The following MYLK variants were observed in gnomAD, a reference collection of about 807,000 sequenced individuals.
MYLK encodes the protein myosin light chain kinase, also known as myosin light chain kinase, smooth muscle.
In MYLK, 106 loss-of-function variants were observed where a neutral mutation model predicts 203.4. That is an observed-to-expected ratio of 0.52 (90% CI 0.45 to 0.61). MYLK has a LOEUF of 0.61. Among genes scored for constraint, MYLK ranks in the 20% least tolerant of loss-of-function variants. The probability of loss-of-function intolerance (pLI) is 0.00; values close to 1 mark genes in which losing one functional copy is unlikely to be tolerated. For missense variants in MYLK, 2,072 were observed against 2,442.3 expected, an observed-to-expected ratio of 0.85 and a Z score of 3.20; for synonymous variants, 867 against 959.5, an observed-to-expected ratio of 0.90 and a Z score of 1.78.
intron 4 of MYLK, among the ~76,000 whole-genome samples, chr3:123,755,272 T>C (rs1471174224): frequency 2.0e-5 from 3 of 152,200 alleles, no homozygotes; most frequent in Non-Finnish European, 4.4e-5. Context: ...CAGGGCCAGC[T>C]CTGGTGGCTC....
chr3:123,844,597 T>C (rs763223813), intron 2 of MYLK, among the ~76,000 whole-genome samples: 13 of 151,986 alleles, frequency 8.6e-5, no homozygotes, highest in Non-Finnish European at 1.3e-4. Context: ...ACAGGAGCAA[T>C]TGACCACTCC....
chr3:123,732,592 G>A (rs1402498720), intron 11 of MYLK, among the ~76,000 whole-genome samples: 1 of 152,136 alleles, frequency 6.6e-6, no homozygotes, highest in African/African-American at 2.4e-5. Context: ...AGTTCTCTGT[G>A]GTTACAAACG....
At chr3:123,683,873 C>A (rs2060356468) in intron 19 of MYLK, among the ~76,000 whole-genome samples, 1 of 152,150 alleles carries the variant, frequency 6.6e-6, no homozygotes, top group Admixed American at 6.5e-5. Context: ...AAAACGCTCC[C>A]TTGCCTCCAC....
At chr3:123,697,520 T>C (rs776367918) in intron 18 of MYLK, among the ~76,000 whole-genome samples, 4 of 152,182 alleles carry the variant, frequency 2.6e-5, no homozygotes, top group Admixed American at 6.5e-5. Context: ...AGGAATTAAC[T>C]AAGAGGTCAT....
chr3:123,738,785 G>A (rs768194859), intron 7 of MYLK, 112 bp downstream of exon 7: 3 of 1,396,908 alleles, frequency 2.1e-6, no homozygotes, highest in Non-Finnish European at 3.0e-6. Flanking sequence ...GGAACGGTGA[G>A]TCCATTAAAC....
At chr3:123,852,337 C>A (rs7639429) in intron 2 of MYLK, among the ~76,000 whole-genome samples, 127,045 of 152,084 alleles carry the variant, frequency 0.84, 53,234 homozygotes, top group East Asian at 0.95. Context: ...TGGTAGAATT[C>A]GGCTGTGAAT....
At position 123,640,654 on chromosome 3, in the gene MYLK, C is replaced by T. The variant is rs2058801143; in HGVS notation, c.4620-150G>A. On this transcript the variant is annotated intron_variant, in intron 27 of 33. Coordinates refer to ENST00000360304, the MANE Select transcript of MYLK (RefSeq NM_053025.4). This position sits in a 1 kb window ranked among gnomAD's most constrained non-coding sequence, Gnocchi z 4.3. Reference sequence around the variant, plus strand: ...TGGGCAATTCCTGAATCCCCACCCTCCGACATGGGAGAAGGGTCAGGGCCT... The same window carrying T: ...TGGGCAATTCCTGAATCCCCACCCTTCGACATGGGAGAAGGGTCAGGGCCT... 2.4e-6 allele frequency: 2 copies of T among 816,488 alleles called. No individual in the cohort carries two copies. The highest frequency in any genetic ancestry group is 4.1e-6 in the Non-Finnish European group (2 of 489,168). 50.6% of individuals were successfully genotyped at this position (816,488 alleles called of 1,614,324 possible).
chr3:123,638,822 C>G (rs1385154868), intron 28 of MYLK: 5 of 985,322 alleles, frequency 5.1e-6, no homozygotes, highest in Non-Finnish European at 6.0e-6. Flanking sequence ...AGGCTTCAAC[C>G]CCAGGGTGGT....
intron 5 of MYLK, among the ~76,000 whole-genome samples, chr3:123,740,851 G>A (rs1048958364): frequency 1.4e-4 from 22 of 152,374 alleles, no homozygotes; most frequent in Non-Finnish European, 2.1e-4. Flanking sequence ...AGCTGTTGCC[G>A]TGCTAGGCAG....
Position 123,625,961 on chromosome 3 carries a change from T to C in MYLK, c.5238+857A>G, listed in dbSNP as rs2058128203. 2.0e-5 allele frequency among the ~76,000 whole-genome samples: 3 copies of C among 152,316 alleles called. 1 individual carries two copies. Among genetic ancestry groups the C allele is most frequent in the Admixed American group, 2.0e-4 (3 of 15,302 alleles). On this transcript the variant is annotated intron_variant, in intron 31 of 33. Coordinates refer to ENST00000360304, the MANE Select transcript of MYLK (RefSeq NM_053025.4). Reference sequence around the variant, plus strand: ...AGAGGCAGTCTTGGGGTTAAGACTATGTGTTTTGCAGTCAAGCTCTGGGTT... The same window carrying C: ...AGAGGCAGTCTTGGGGTTAAGACTACGTGTTTTGCAGTCAAGCTCTGGGTT...
At chr3:123,632,555 C>T (rs2058479090) in intron 29 of MYLK, among the ~76,000 whole-genome samples, 1 of 152,150 alleles carries the variant, frequency 6.6e-6, no homozygotes, top group Admixed American at 6.5e-5. Flanking sequence ...TTCCTGGCAG[C>T]CTATCCATCT....
At position 123,647,101 on chromosome 3, in the gene MYLK, C is replaced by A. The variant is rs1307961210; in HGVS notation, c.4619+123G>T. 5.7e-6 allele frequency: 5 copies of A among 877,460 alleles called. No individual in the cohort carries two copies. In the East Asian group the frequency reaches 1.3e-4, roughly 23 times the overall value. The allele number at this position is 877,460 out of a possible 1,614,324, so 54.4% of individuals were successfully genotyped here. On this transcript the variant is annotated intron_variant, in intron 27 of 33. Coordinates refer to ENST00000360304, the MANE Select transcript of MYLK (RefSeq NM_053025.4). ...GGCTGTATGGCTGGTGAGCATCTTA[C>A]ATATCACACTCCTGTCTGCAGTGCT...
chr3:123,810,269 C>T (rs2065511764), intron 3 of MYLK, among the ~76,000 whole-genome samples: 1 of 152,170 alleles, frequency 6.6e-6, no homozygotes, highest in African/African-American at 2.4e-5. Context: ...GCCGTGTTTC[C>T]CGTGGTTCCC....
chr3:123,845,839 T>C (rs540806111), intron 2 of MYLK, among the ~76,000 whole-genome samples: 1 of 152,204 alleles, frequency 6.6e-6, no homozygotes, highest in South Asian at 2.1e-4. Context: ...ATTAAAAAAT[T>C]CCACCACCTC....
rs1249329726 is a variant in MYLK at position 123,732,955 on chromosome 3, C to T, written c.1457G>A (p.Ser486Asn). 6.2e-7 allele frequency: 1 copy of T among 1,614,238 alleles called. No homozygotes were observed. Among genetic ancestry groups the T allele is most frequent in the Admixed American group, 1.7e-5 (1 of 60,028 alleles). ...GCCTTGGGCGTTGGAAGCAGTGCAG[C>T]TGTATGTCCCACTGTCCCTGGTCCG... ...KARTRDSGTY[S>N]CTASNAQGQL... The change falls in exon 11 of 34, where the codon AGC becomes AAC. Residue 486 changes from serine to asparagine, a missense_variant. Coordinates refer to ENST00000360304, the MANE Select transcript of MYLK (RefSeq NM_053025.4).
intron 1 of MYLK, among the ~76,000 whole-genome samples, chr3:123,878,203 G>A (rs2033282107): frequency 6.6e-6 from 1 of 152,196 alleles, no homozygotes. Flanking sequence ...CACAGCACAA[G>A]CACAGGTTGC....
chr3:123,639,698 C>T (rs781371687), intron 28 of MYLK, among the ~76,000 whole-genome samples: 21 of 152,200 alleles, frequency 1.4e-4, no homozygotes, highest in Non-Finnish European at 2.6e-4. Flanking sequence ...GCACCCTGAG[C>T]AAGGTCTGGG....
chr3:123,787,305 G>A (rs964927516), intron 4 of MYLK, among the ~76,000 whole-genome samples: 2 of 152,194 alleles, frequency 1.3e-5, no homozygotes, highest in African/African-American at 2.4e-5. Flanking sequence ...GGCTGTGGAG[G>A]AGCAGGAAGC....
intron 8 of MYLK, 102 bp from the exon 9 acceptor site, chr3:123,735,518 G>A: frequency 1.5e-6 from 2 of 1,358,848 alleles, no homozygotes. Flanking sequence ...CCACCCTGCT[G>A]GCTCCTTCCA....
Sources: gnomAD v4.1 joint callset for allele counts (sites outside exome capture counted in the v4.1 genomes callset) on GRCh38, gnomAD v4.1.1 for gene constraint, Gnocchi (gnomAD v3.1) non-coding constraint, MANE v1.5 for transcripts, NCBI Gene and HGNC (gene_info 2026-07-23, HGNC 2026-07-21) for gene names.